The following DLG1 variants were observed in gnomAD, a reference collection of about 807,000 sequenced individuals.
The protein encoded by DLG1 is disks large homolog 1.
A neutral mutation model predicts 123.4 loss-of-function variants in DLG1; 42 were observed. That is an observed-to-expected ratio of 0.34 (90% CI 0.27 to 0.44). The LOEUF (loss-of-function observed/expected upper bound fraction) is 0.44. DLG1 is among the 20% of genes least tolerant of loss of function. The pLI, the probability that DLG1 is intolerant of heterozygous loss-of-function variation, is 1.00. For synonymous variants in DLG1, 317 were observed against 356.2 expected (o/e 0.89, Z 1.24); for missense variants, 942 against 1,082.6 (o/e 0.87, Z 1.82).
chr3:197,047,627 C>T (rs182220895), intron 24 of DLG1, among the ~76,000 whole-genome samples: 26 of 149,848 alleles, frequency 1.7e-4, no homozygotes, highest in Admixed American at 1.3e-3. Context: ...TATTTCAAAA[C>T]GGATCAAAGG....
At chr3:197,128,337 C>T (rs1336918760) in intron 11 of DLG1, among the ~76,000 whole-genome samples, 1 of 152,222 alleles carries the variant, frequency 6.6e-6, no homozygotes, top group South Asian at 2.1e-4. Context: ...TAAGAAGCAA[C>T]TCCTTAGTTG....
At chr3:197,231,370 A>C (rs1288906365) in intron 4 of DLG1, among the ~76,000 whole-genome samples, 1 of 152,204 alleles carries the variant, frequency 6.6e-6, no homozygotes, top group African/African-American at 2.4e-5. Flanking sequence ...AAGTTGATTT[A>C]GCAAAAATAC....
At chr3:197,147,357 C>T (rs1304690850) in intron 6 of DLG1, among the ~76,000 whole-genome samples, 1 of 151,780 alleles carries the variant, frequency 6.6e-6, no homozygotes, top group African/African-American at 2.4e-5. Flanking sequence ...TATAGCAGCG[C>T]AATTCACAAT....
At chr3:197,140,728 C>T (rs530011599) in intron 7 of DLG1, among the ~76,000 whole-genome samples, 98 of 152,266 alleles carry the variant, frequency 6.4e-4, no homozygotes, top group Non-Finnish European at 1.2e-3. Context: ...GGCGATGGTG[C>T]TTTTCTTCTG....
At chr3:197,057,075 G>A (rs1259674556) in intron 23 of DLG1, among the ~76,000 whole-genome samples, 1 of 140,626 alleles carries the variant, frequency 7.1e-6, no homozygotes, top group Non-Finnish European at 1.5e-5. Context: ...TTTAGTTACT[G>A]ACTCTTTGTT....
intron 4 of DLG1, among the ~76,000 whole-genome samples, chr3:197,229,816 T>C (rs1339792276): frequency 2.0e-5 from 3 of 152,224 alleles, no homozygotes; most frequent in Non-Finnish European, 4.4e-5. Flanking sequence ...ATATGATTAT[T>C]TGGATATACT....
chr3:197,171,706 C>A (rs558713502), intron 5 of DLG1, among the ~76,000 whole-genome samples: 1 of 152,212 alleles, frequency 6.6e-6, no homozygotes, highest in South Asian at 2.1e-4. Context: ...ATTCAGATGA[C>A]AATCTTGTCC....
At position 197,044,112 on chromosome 3, in the gene DLG1, CCTTA is replaced by C. The variant is rs1437279869; in HGVS notation, c.*507_*510del. The C allele has an allele frequency of 6.6e-6, 1 of 152,048 alleles. No homozygotes were observed. The highest frequency in any genetic ancestry group is 1.5e-5 in the Non-Finnish European group (1 of 68,006). The allele number at this position is 152,048 out of a possible 1,614,324, so 9.4% of individuals were successfully genotyped here. A position where few individuals can be genotyped will look rare whatever the true frequency, so the allele number is the denominator to read the frequency against. On this transcript the variant is annotated 3_prime_UTR_variant, in exon 25 of 25. Transcript: ENST00000667157. The stretch of plus-strand genomic sequence containing the variant: ...CATGAATTTTTAAATTAAAAAATGT[CCTTA>C]TTTATCTATAATGAAACAATTGCTT...
intron 4 of DLG1, among the ~76,000 whole-genome samples, chr3:197,240,372 T>G (rs1748220890): frequency 6.6e-6 from 1 of 152,110 alleles, no homozygotes; most frequent in Admixed American, 6.5e-5. Context: ...TTAAGGTAAC[T>G]AGAGAGAGCT....
intron 5 of DLG1, among the ~76,000 whole-genome samples, chr3:197,170,370 T>C (rs6807228): frequency 0.73 from 111,197 of 151,390 alleles, 40,909 homozygotes; most frequent in East Asian, 0.81. Flanking sequence ...ATTTACACTC[T>C]CATCAACAGT....
chr3:197,110,892 A>G (rs1386423882), intron 13 of DLG1, among the ~76,000 whole-genome samples: 1 of 152,200 alleles, frequency 6.6e-6, no homozygotes, highest in Non-Finnish European at 1.5e-5. Flanking sequence ...TCGCTTGCAC[A>G]GAGGCTCATG....
chr3:197,162,614 GT>G (rs1237011487), intron 5 of DLG1, among the ~76,000 whole-genome samples: 1 of 152,150 alleles, frequency 6.6e-6, no homozygotes, highest in Non-Finnish European at 1.5e-5. Context: ...TATTAACAAT[GT>G]ATGGAGTCTC....
intron 3 of DLG1, 123 bp downstream of exon 3, chr3:197,296,223 A>G: frequency 5.4e-6 from 5 of 926,090 alleles, no homozygotes; most frequent in Non-Finnish European, 8.1e-6. Context: ...AACTCACTGA[A>G]GATGTTCAAG....
At chr3:197,089,116 A>C (rs968354520) in intron 15 of DLG1, among the ~76,000 whole-genome samples, 4 of 152,258 alleles carry the variant, frequency 2.6e-5, no homozygotes, top group Admixed American at 6.5e-5. Context: ...ATTTAGAAAT[A>C]AGGAGGTGAA....
At chr3:197,282,449 A>G (rs1769841502) in intron 4 of DLG1, among the ~76,000 whole-genome samples, 1 of 152,210 alleles carries the variant, frequency 6.6e-6, no homozygotes, top group Non-Finnish European at 1.5e-5. Context: ...AGTCTAAATC[A>G]AGTATTTCAG....
chr3:197,228,231 G>C (rs1438559595), intron 4 of DLG1, among the ~76,000 whole-genome samples: 1 of 152,132 alleles, frequency 6.6e-6, no homozygotes, highest in African/African-American at 2.4e-5. Flanking sequence ...TGCACATGGA[G>C]GATTTGTCTC....
intron 4 of DLG1, among the ~76,000 whole-genome samples, chr3:197,256,063 C>T (rs543062244): frequency 3.3e-5 from 5 of 152,266 alleles, no homozygotes; most frequent in African/African-American, 1.2e-4. Flanking sequence ...AAGAATGGCG[C>T]TAATAAAGAA....
chr3:197,207,602 A>T (rs1430748811), intron 4 of DLG1, among the ~76,000 whole-genome samples: 1 of 152,220 alleles, frequency 6.6e-6, no homozygotes, highest in East Asian at 1.9e-4. Context: ...AGTGTGCACA[A>T]TCTTCAACAA....
At chr3:197,295,653 T>TA (rs971185100) in intron 3 of DLG1, among the ~76,000 whole-genome samples, 10 of 152,138 alleles carry the variant, frequency 6.6e-5, no homozygotes, top group African/African-American at 2.4e-4. Flanking sequence ...TTTATCTACT[T>TA]AAAAAAGGCT....
Sources: gnomAD v4.1 joint callset for allele counts (sites outside exome capture counted in the v4.1 genomes callset) on GRCh38, gnomAD v4.1.1 for gene constraint, MANE v1.5 for transcripts, NCBI Gene and HGNC (gene_info 2026-07-23, HGNC 2026-07-21) for gene names.